FARS2: variants seen among roughly 807,000 people sequenced by gnomAD.
FARS2 encodes the protein phenylalanyl-tRNA synthetase 2, mitochondrial.
In FARS2, 40 loss-of-function variants were observed where a neutral mutation model predicts 46.4. The observed-to-expected ratio is 0.86, with a 90% CI of 0.67 to 1.12. The LOEUF is 1.12. FARS2 is among the 50% of genes most tolerant of loss of function. The probability of loss-of-function intolerance (pLI) is 0.00; values close to 1 mark genes in which losing one functional copy is unlikely to be tolerated. For synonymous variants in FARS2, 234 were observed against 214.9 expected, an observed-to-expected ratio of 1.09 and a Z score of -0.78; for missense variants, 513 against 567.9, an observed-to-expected ratio of 0.90 and a Z score of 0.98.
rs558788403 is a variant in FARS2 at position 5,377,394 on chromosome 6, C to T, written c.612+8212C>T. 8.5e-5 allele frequency among the ~76,000 whole-genome samples: 13 copies of T among 152,300 alleles called. No individual in the cohort carries two copies. In the South Asian group the frequency reaches 2.7e-3, roughly 32 times the overall value. On this transcript the variant is annotated intron_variant, in intron 2 of 6. Coordinates refer to ENST00000274680, the MANE Select transcript of FARS2 (RefSeq NM_006567.5). ...TTTGCCTCCTTATTTTGTCTTCATTCCCCTTTGATAACATCCTCTGGGTCT... is the reference window on the plus strand; with the variant it reads ...TTTGCCTCCTTATTTTGTCTTCATTTCCCTTTGATAACATCCTCTGGGTCT...
At chr6:5,401,583 C>A (rs1044733528) in intron 2 of FARS2, among the ~76,000 whole-genome samples, 2 of 152,116 alleles carry the variant, frequency 1.3e-5, no homozygotes, top group African/African-American at 4.8e-5. Flanking sequence ...TTGTTTTGTG[C>A]TGAAATTTTC....
At position 5,645,061 on chromosome 6, in the gene FARS2, C is replaced by T. The variant is rs114263894; in HGVS notation, c.1217+31741C>T. On this transcript the variant is annotated intron_variant, in intron 6 of 6. Coordinates refer to ENST00000274680, the MANE Select transcript of FARS2 (RefSeq NM_006567.5). ...TAAACATCTTTGTGTGAAAGGCCAGCTAACCAACTTGGATGAGAATATTCT... is the reference window on the plus strand; with the variant it reads ...TAAACATCTTTGTGTGAAAGGCCAGTTAACCAACTTGGATGAGAATATTCT... Among the ~76,000 whole-genome samples, 362 of 152,324 alleles carry T rather than the reference C, an allele frequency of 2.4e-3. 3 individuals carry two copies. Among genetic ancestry groups the T allele is most frequent in the African/African-American group, 8.4e-3 (348 of 41,590 alleles).
chr6:5,680,060 A>G (rs1379043702), intron 6 of FARS2, among the ~76,000 whole-genome samples: 5 of 152,220 alleles, frequency 3.3e-5, no homozygotes, highest in Admixed American at 6.5e-5. Context: ...TGTCCACAGC[A>G]ATCTTTCCTT....
rs942321796 is a variant in FARS2 at position 5,371,414 on chromosome 6, A to T, written c.612+2232A>T. Among the ~76,000 whole-genome samples the T allele has an allele frequency of 3.9e-5, 6 of 152,186 alleles. 2 individuals carry two copies. The highest frequency in any genetic ancestry group is 1.4e-4 in the African/African-American group (6 of 41,528). On this transcript the variant is annotated intron_variant, in intron 2 of 6. Transcript: ENST00000274680. ...AATCTTTGTAATTATTACTTTCATCACTATAACGTGTATTTCAGCAAGAAG... is the reference window on the plus strand; with the variant it reads ...AATCTTTGTAATTATTACTTTCATCTCTATAACGTGTATTTCAGCAAGAAG...
chr6:5,538,576 C>G (rs1770365334), intron 4 of FARS2, among the ~76,000 whole-genome samples: 1 of 152,092 alleles, frequency 6.6e-6, no homozygotes, highest in African/African-American at 2.4e-5. Context: ...GAAAAGGAAG[C>G]CTTTTCTGTT....
At chr6:5,337,060 A>G (rs1464799794) in intron 1 of FARS2, among the ~76,000 whole-genome samples, 4 of 146,084 alleles carry the variant, frequency 2.7e-5, no homozygotes, top group Non-Finnish European at 4.6e-5. Context: ...GGAAGTAAAT[A>G]TCACTTCTTT....
intron 1 of FARS2, among the ~76,000 whole-genome samples, chr6:5,338,043 A>G (rs1209949916): frequency 6.6e-6 from 1 of 152,204 alleles, no homozygotes; most frequent in Non-Finnish European, 1.5e-5. Flanking sequence ...ATAATTGTAT[A>G]TTTTTGTCCT....
At chr6:5,743,387 A>G (rs1044150392) in intron 6 of FARS2, among the ~76,000 whole-genome samples, 4 of 152,196 alleles carry the variant, frequency 2.6e-5, no homozygotes, top group Admixed American at 6.5e-5. Flanking sequence ...CTGGATGCCA[A>G]CGGATGAGGC....
intron 1 of FARS2, among the ~76,000 whole-genome samples, chr6:5,337,997 A>G (rs1431229335): frequency 2.0e-5 from 3 of 152,204 alleles, no homozygotes; most frequent in Non-Finnish European, 4.4e-5. Flanking sequence ...CTATTAAAAT[A>G]GTAGATTTGA....
chr6:5,568,445 G>A (rs887498444), intron 5 of FARS2, among the ~76,000 whole-genome samples: 7 of 152,184 alleles, frequency 4.6e-5, no homozygotes, highest in African/African-American at 1.7e-4. Context: ...AGGAAGTATA[G>A]TTTCCTGCCT....
chr6:5,299,339 C>T (rs911086808), intron 1 of FARS2, among the ~76,000 whole-genome samples: 2 of 152,196 alleles, frequency 1.3e-5, no homozygotes, highest in Non-Finnish European at 2.9e-5. Context: ...ATTAGAAAAT[C>T]TAGGTGTATC....
intron 6 of FARS2, among the ~76,000 whole-genome samples, chr6:5,646,720 G>A (rs572055492): frequency 1.3e-5 from 2 of 152,104 alleles, no homozygotes; most frequent in South Asian, 4.2e-4. Flanking sequence ...AAGTCATCTC[G>A]GGATTATTTA....
intron 4 of FARS2, among the ~76,000 whole-genome samples, chr6:5,473,414 C>T (rs1234684109): frequency 6.6e-6 from 1 of 151,836 alleles, no homozygotes. Context: ...GTAGTCCCCG[C>T]TACTTGGGAG....
Position 5,615,231 on chromosome 6 carries a change from C to T in FARS2, c.1217+1911C>T, listed in dbSNP as rs142969832. Reference sequence around the variant, plus strand: ...TGTTCTGTTTCATTCTTCAGGGATCCAGTTATGCATAAGTAGGCTCTCCTT... The same window carrying T: ...TGTTCTGTTTCATTCTTCAGGGATCTAGTTATGCATAAGTAGGCTCTCCTT... On this transcript the variant is annotated intron_variant, in intron 6 of 6. Transcript: ENST00000274680. Among the ~76,000 whole-genome samples the T allele has an allele frequency of 2.0e-4, 30 of 152,240 alleles. No homozygotes were observed. In the East Asian group the frequency reaches 4.1e-3, roughly 21 times the overall value.
At chr6:5,285,414 A>G (rs979110157) in intron 1 of FARS2, among the ~76,000 whole-genome samples, 29 of 152,194 alleles carry the variant, frequency 1.9e-4, no homozygotes, top group African/African-American at 7.0e-4. Flanking sequence ...TGAGGAGAAT[A>G]GACATTTTAA....
intron 5 of FARS2, among the ~76,000 whole-genome samples, chr6:5,599,352 T>A (rs11964159): frequency 0.33 from 44,052 of 134,658 alleles, 6,457 homozygotes; most frequent in African/African-American, 0.45. Flanking sequence ...AAAGAAATGC[T>A]ATGGAAGATC....
At chr6:5,737,740 T>C (rs1479522238) in intron 6 of FARS2, among the ~76,000 whole-genome samples, 2 of 150,184 alleles carry the variant, frequency 1.3e-5, no homozygotes, top group Non-Finnish European at 3.0e-5. Context: ...TTGTCTGGCA[T>C]GCCCCTTTGG....
intron 1 of FARS2, among the ~76,000 whole-genome samples, chr6:5,333,660 G>A (rs1488098333): frequency 6.6e-6 from 1 of 152,156 alleles, no homozygotes; most frequent in Admixed American, 6.5e-5. Context: ...ATTGGTGGTG[G>A]CTGAGTATAA....
chr6:5,449,368 A>AG (rs1314254504), intron 4 of FARS2, among the ~76,000 whole-genome samples: 62 of 150,854 alleles, frequency 4.1e-4, no homozygotes, highest in African/African-American at 1.5e-3. Context: ...AAAAAAAAAG[A>AG]AAAAAAAGAA....
Sources: allele counts gnomAD v4.1 joint callset (sites outside exome capture counted in the v4.1 genomes callset), GRCh38; gene constraint gnomAD v4.1.1; transcripts MANE v1.5; gene names NCBI Gene and HGNC (gene_info 2026-07-23, HGNC 2026-07-21).